TLK2: variants seen among roughly 807,000 people sequenced by gnomAD.
TLK2 encodes tousled like kinase 2.
TLK2 carries 6 observed loss-of-function variants against 117.3 expected under a neutral mutation model. The ratio of observed to expected loss-of-function variants is 0.05; its 90% CI spans 0.03 to 0.10. TLK2 has a LOEUF of 0.10. Ranked by LOEUF, TLK2 falls within the 10% of genes least tolerant of loss-of-function variation. The pLI, the probability that TLK2 is intolerant of heterozygous loss-of-function variation, is 1.00. For missense variants in TLK2, 299 were observed against 901.2 expected, an observed-to-expected ratio of 0.33 and a Z score of 8.56; for synonymous variants, 257 against 316.7, an observed-to-expected ratio of 0.81 and a Z score of 2.00.
At chr17:62,533,546 G>C (rs1245477873) in intron 6 of TLK2, among the ~76,000 whole-genome samples, 2 of 150,716 alleles carry the variant, frequency 1.3e-5, no homozygotes, top group Admixed American at 1.3e-4. Context: ...GTGTGATCTT[G>C]GTTCACTGCA....
chr17:62,486,007 A>T (rs1454594426), intron 2 of TLK2, among the ~76,000 whole-genome samples: 1 of 151,580 alleles, frequency 6.6e-6, no homozygotes, highest in East Asian at 1.9e-4. Context: ...TTTTTAGTAG[A>T]GACGGGGTTT....
At chr17:62,523,643 C>T (rs2076192539) in intron 5 of TLK2, among the ~76,000 whole-genome samples, 1 of 152,182 alleles carries the variant, frequency 6.6e-6, no homozygotes, top group Admixed American at 6.5e-5. Context: ...TTCTCCCCAT[C>T]TTCATCAGTT....
At chr17:62,477,028 T>C (rs1567748887), upstream of TLK2, among the ~76,000 whole-genome samples, 1 of 151,394 alleles carries the variant, frequency 6.6e-6, no homozygotes, top group African/African-American at 2.4e-5. Context: ...GTGGCAGAGG[T>C]TGCAGTGAGC....
At chr17:62,584,136 A>G (rs1321645887) in intron 15 of TLK2, among the ~76,000 whole-genome samples, 85 of 86,212 alleles carry the variant, frequency 9.9e-4, no homozygotes, top group Non-Finnish European at 1.6e-3. Context: ...TTTTTTTGAT[A>G]CGGAATCTCG....
At chr17:62,476,950 C>G (rs893830879), upstream of TLK2, among the ~76,000 whole-genome samples, 100 of 152,068 alleles carry the variant, frequency 6.6e-4, 2 homozygotes, top group Admixed American at 5.7e-3. Context: ...ATTAGCCGGG[C>G]CTGGTAGCGC....
At chr17:62,514,295 T>C (rs2075387719) in intron 2 of TLK2, among the ~76,000 whole-genome samples, 1 of 151,438 alleles carries the variant, frequency 6.6e-6, no homozygotes, top group Non-Finnish European at 1.5e-5. Context: ...AGGTGTGTGC[T>C]ACCATGCCTG....
chr17:62,584,433 A>G (rs1476276267), intron 15 of TLK2, among the ~76,000 whole-genome samples: 2 of 152,106 alleles, frequency 1.3e-5, no homozygotes, highest in Non-Finnish European at 2.9e-5. Flanking sequence ...GTTTTTAAAA[A>G]TTATTTGAAA....
chr17:62,584,926 A>G (rs547942375), intron 15 of TLK2, among the ~76,000 whole-genome samples: 51 of 152,370 alleles, frequency 3.3e-4, no homozygotes, highest in Non-Finnish European at 5.9e-4. Flanking sequence ...CAGATGGGTG[A>G]TAACAGTGTT....
intron 16 of TLK2, among the ~76,000 whole-genome samples, chr17:62,590,224 G>A (rs908793406): frequency 2.7e-5 from 4 of 150,818 alleles, no homozygotes; most frequent in African/African-American, 9.7e-5. Flanking sequence ...CTGAGGTCAG[G>A]AGTTCAAGAC....
chr17:62,487,514 G>T (rs1248390335), intron 2 of TLK2, among the ~76,000 whole-genome samples: 2 of 120,160 alleles, frequency 1.7e-5, no homozygotes, highest in African/African-American at 3.2e-5. Context: ...GTGCGCCTCC[G>T]TCTCAAAAAA....
intron 9 of TLK2, among the ~76,000 whole-genome samples, chr17:62,558,307 C>T (rs552978260): frequency 3.9e-5 from 6 of 152,168 alleles, no homozygotes; most frequent in East Asian, 3.9e-4. Flanking sequence ...GCATCAGAGG[C>T]GCATGCCACC....
At chr17:62,582,256 T>C (rs531108872) in intron 15 of TLK2, among the ~76,000 whole-genome samples, 47 of 152,306 alleles carry the variant, frequency 3.1e-4, no homozygotes, top group Admixed American at 2.9e-3. Flanking sequence ...TTTTTTTTCT[T>C]TTTTAATAGA....
intron 2 of TLK2, among the ~76,000 whole-genome samples, chr17:62,486,260 G>T (rs1027811996): frequency 6.6e-6 from 1 of 151,584 alleles, no homozygotes; most frequent in Non-Finnish European, 1.5e-5. Flanking sequence ...AGGTTCAAGC[G>T]ATTCTCTTGC....
chr17:62,547,483 G>A (rs902697796), intron 7 of TLK2, among the ~76,000 whole-genome samples: 12 of 151,990 alleles, frequency 7.9e-5, no homozygotes, highest in African/African-American at 2.9e-4. Context: ...ACGGATCTGA[G>A]CATTGTCACA....
rs143783401 is a variant in TLK2 at position 62,608,088 on chromosome 17, G to A, written c.2019G>A (p.Thr673=). ...QSQQDILQEN[T]ILKATEVQFP... is the part of the protein sequence containing the mutation. ...AGCAAGACATCCTACAAGAGAATAC[G>A]ATTCTTAAAGCTACTGAAGTGCAGT... The change falls in exon 21 of 22, where the codon ACG becomes ACA. Residue 673 remains threonine, a synonymous_variant. Transcript: ENST00000346027. 5.6e-6 allele frequency: 9 copies of A among 1,613,944 alleles called. No individual in the cohort carries two copies. The African/African-American group carries it at 6.7e-5, about 12-fold the overall frequency.
chr17:62,577,335 G>A (rs529856411), intron 13 of TLK2, among the ~76,000 whole-genome samples: 5 of 152,214 alleles, frequency 3.3e-5, no homozygotes, highest in African/African-American at 1.2e-4. Context: ...TCTATCAGCA[G>A]ATAATTCTGT....
At chr17:62,566,377 T>C (rs943908305) in intron 11 of TLK2, among the ~76,000 whole-genome samples, 53 of 152,226 alleles carry the variant, frequency 3.5e-4, no homozygotes, top group African/African-American at 1.2e-3. Flanking sequence ...TTTATAATAT[T>C]TGTTAAAACT....
intron 2 of TLK2, among the ~76,000 whole-genome samples, chr17:62,504,335 A>ATGTG (rs1278121651): frequency 6.6e-6 from 1 of 152,200 alleles, no homozygotes; most frequent in Non-Finnish European, 1.5e-5. Flanking sequence ...TGAAATCCAC[A>ATGTG]GATTTCAAGA....
intron 2 of TLK2, among the ~76,000 whole-genome samples, chr17:62,512,783 C>T (rs543143602): frequency 1.3e-5 from 2 of 151,188 alleles, no homozygotes; most frequent in South Asian, 4.2e-4. Context: ...GATTTTTCTC[C>T]CCTTTTTTCC....
Sources: gnomAD v4.1 joint callset for allele counts (sites outside exome capture counted in the v4.1 genomes callset) on GRCh38, gnomAD v4.1.1 for gene constraint, MANE v1.5 for transcripts, NCBI Gene and HGNC (gene_info 2026-07-23, HGNC 2026-07-21) for gene names.